The following SAG variants were observed in gnomAD, a reference collection of about 807,000 sequenced individuals.
The protein encoded by SAG is S-antigen visual arrestin, also known as S-arrestin.
A neutral mutation model predicts 55.0 loss-of-function variants in SAG; 45 were observed. The ratio of observed to expected loss-of-function variants is 0.82; its 90% confidence interval spans 0.64 to 1.05. The LOEUF is 1.05. Ranked by LOEUF, SAG falls within the 50% of genes least tolerant of loss-of-function variation. The pLI, the probability that SAG is intolerant of heterozygous loss-of-function variation, is 0.00. For synonymous variants in SAG, 189 were observed against 197.4 expected (o/e 0.96, Z 0.36); for missense variants, 455 against 512.1 (o/e 0.89, Z 1.08).
chr2:233,310,391 T>C (rs57203847), intron 2 of SAG, among the ~76,000 whole-genome samples: 2,492 of 152,260 alleles, frequency 0.016, 75 homozygotes, highest in African/African-American at 0.055. Flanking sequence ...TGAAATCTGA[T>C]GTGTATTTTA....
chr2:233,322,976 T>C lies in SAG; in HGVS notation c.406T>C (p.Leu136=), dbSNP rs1278929212. Residue 136 remains leucine, a synonymous_variant, in exon 6 of 16, where the codon TTG becomes CTG. Coordinates refer to ENST00000409110, the MANE Select transcript of SAG (RefSeq NM_000541.5). ...TGACTACTTGCCCTGTTCAGTGATGTTGCAGCCAGCTCCACAAGATTCAGG... is the reference window on the plus strand; with the variant it reads ...TGACTACTTGCCCTGTTCAGTGATGCTGCAGCCAGCTCCACAAGATTCAGG... ...FPDYLPCSVM[L]QPAPQDSGKS... is the part of the protein sequence containing the mutation. The C allele has an allele frequency of 1.3e-6, 2 of 1,578,630 alleles. No individual in the cohort carries two copies. The highest frequency in any genetic ancestry group is 1.7e-6 in the Non-Finnish European group (2 of 1,159,526).
intron 2 of SAG, among the ~76,000 whole-genome samples, chr2:233,309,657 A>G (rs1034122295): frequency 2.0e-5 from 3 of 150,890 alleles, no homozygotes; most frequent in African/African-American, 7.3e-5. Flanking sequence ...ATAAAAAACA[A>G]ACAAACACTG....
chr2:233,335,574 T>C (rs1355915375), intron 11 of SAG, among the ~76,000 whole-genome samples: 2 of 126,340 alleles, frequency 1.6e-5, no homozygotes, highest in South Asian at 2.8e-4. Flanking sequence ...CTCTTGGCTG[T>C]GTTCATTCAT....
intron 14 of SAG, 83 bp downstream of exon 14, chr2:233,342,409 C>A: frequency 8.6e-7 from 1 of 1,156,342 alleles, no homozygotes; most frequent in South Asian, 1.3e-5. Flanking sequence ...CTTTCTTGAC[C>A]GCATCTCAGA....
At chr2:233,315,899 G>A (rs1015826105) in intron 2 of SAG, among the ~76,000 whole-genome samples, 176 bp from the exon 3 acceptor site, 4 of 151,414 alleles carry the variant, frequency 2.6e-5, no homozygotes, top group Non-Finnish European at 5.9e-5. Context: ...TAGAGACAGG[G>A]TTTCACCATA....
intron 5 of SAG, among the ~76,000 whole-genome samples, chr2:233,322,038 T>C (rs868768907): frequency 4.4e-4 from 56 of 126,170 alleles, no homozygotes; most frequent in Admixed American, 8.6e-4. Context: ...CACACACACA[T>C]TAGTCAGGCG....
chr2:233,329,643 G>A, intron 9 of SAG, 66 bp downstream of exon 9: 1 of 1,122,970 alleles, frequency 8.9e-7, no homozygotes, highest in Non-Finnish European at 1.3e-6. Context: ...TTTCCTGAGA[G>A]GTCACTTCTC....
intron 5 of SAG, among the ~76,000 whole-genome samples, chr2:233,321,709 A>G (rs780164961): frequency 6.6e-6 from 1 of 152,146 alleles, no homozygotes; most frequent in South Asian, 2.1e-4. Flanking sequence ...AATGGTGTGA[A>G]TGTACTTCAT....
At position 233,315,997 on chromosome 2, in the gene SAG, G is replaced by C. The variant is rs181158151; in HGVS notation, c.76-78G>C. 55,037 of 857,278 alleles carry C rather than the reference G, an allele frequency of 0.064. 2,374 individuals are homozygous for C. Among genetic ancestry groups the C allele is most frequent in the Admixed American group, 0.16 (7,621 of 48,066 alleles). The allele number at this position is 857,278 out of a possible 1,614,324, so 53.1% of individuals were successfully genotyped here. On this transcript the variant is annotated intron_variant, in intron 2 of 15. Coordinates refer to ENST00000409110, the MANE Select transcript of SAG (RefSeq NM_000541.5). ...TTACAGGTGTGAGCCACCGCGCCCG[G>C]GCTGCTGCTGGTTTTTATCATGGAT...
intron 6 of SAG, among the ~76,000 whole-genome samples, chr2:233,326,087 C>T (rs1413952340): frequency 2.0e-5 from 3 of 152,046 alleles, no homozygotes; most frequent in Non-Finnish European, 4.4e-5. Flanking sequence ...CGGTGCCCTC[C>T]TCTGGCTCCC....
In SAG at chr2:233,340,891, G is replaced by A. The variant is rs749871716; in HGVS notation, c.1046+413G>A. 6.6e-6 allele frequency among the ~76,000 whole-genome samples: 1 copy of A among 152,090 alleles called. No homozygotes were observed. The highest frequency in any genetic ancestry group is 1.5e-5 in the Non-Finnish European group (1 of 68,006). On this transcript the variant is annotated intron_variant, in intron 13 of 15. Transcript: ENST00000409110. This position sits in a 1 kb window ranked among gnomAD's most constrained non-coding sequence, Gnocchi z 4.2. ...TGCAGTGACGTGATCTCGGCTCACCGTGACCTCCACTTCCTGGGTTCAGGC... is the reference window on the plus strand; with the variant it reads ...TGCAGTGACGTGATCTCGGCTCACCATGACCTCCACTTCCTGGGTTCAGGC...
In SAG at chr2:233,340,617, C is replaced by A; in HGVS notation, c.1046+139C>A. ...GGTGTTAGGAATGATGCTTTGCCTT[C>A]GGATGCATCACAGAACCGTGGCTCA... On this transcript the variant is annotated intron_variant, in intron 13 of 15. Coordinates refer to ENST00000409110, the MANE Select transcript of SAG (RefSeq NM_000541.5). The surrounding 1 kb of genome is among the most constrained non-coding windows in gnomAD (Gnocchi z 4.2). 1.4e-6 allele frequency: 1 copy of A among 693,638 alleles called. No homozygotes were observed. The highest frequency in any genetic ancestry group is 2.6e-6 in the Non-Finnish European group (1 of 390,310). The allele number at this position is 693,638 out of a possible 1,614,324, so 43.0% of individuals were successfully genotyped here.
Position 233,342,292 on chromosome 2 carries a change from A to T in SAG, c.1068A>T (p.Pro356=). The T allele has an allele frequency of 1.2e-6, 2 of 1,608,980 alleles. No homozygotes were observed. Among genetic ancestry groups the T allele is most frequent in the Non-Finnish European group, 1.7e-6 (2 of 1,177,402 alleles). ...LTSSEVATEV[P]FRLMHPQPED... ...CTAGTGAAGTCGCCACTGAGGTCCC[A>T]TTCCGCCTCATGCACCCTCAGCCTG... is the stretch of plus-strand genomic sequence containing the variant. Residue 356 remains proline, a synonymous_variant, in exon 14 of 16, where the codon CCA becomes CCT. Coordinates refer to ENST00000409110, the MANE Select transcript of SAG (RefSeq NM_000541.5).
intron 6 of SAG, among the ~76,000 whole-genome samples, chr2:233,325,354 TAA>T (rs3085260): frequency 2.1e-5 from 3 of 142,978 alleles, no homozygotes; most frequent in Non-Finnish European, 3.0e-5. Context: ...AGACTCCATC[TAA>T]AAAAAAAAAA....
intron 3 of SAG, 111 bp from the exon 4 acceptor site, chr2:233,318,640 A>G (rs919377849): frequency 1.1e-6 from 1 of 936,354 alleles, no homozygotes; most frequent in Non-Finnish European, 1.7e-6. Flanking sequence ...TTTCTTTCTT[A>G]TAATGAACAT....
At chr2:233,330,494 T>TTCCC (rs1476895226) in intron 9 of SAG, among the ~76,000 whole-genome samples, 31 of 140,470 alleles carry the variant, frequency 2.2e-4, no homozygotes, top group Non-Finnish European at 3.6e-4. Context: ...CCTTCCTTCC[T>TTCCC]TCCTTCCTTC....
At chr2:233,323,088 T>A in intron 6 of SAG, 83 bp downstream of exon 6, 4 of 889,708 alleles carry the variant, frequency 4.5e-6, no homozygotes, top group Non-Finnish European at 7.2e-6. Flanking sequence ...AAACAGGGTT[T>A]TACTCTGTCA....
At chr2:233,309,711 G>A (rs1483768021) in intron 2 of SAG, among the ~76,000 whole-genome samples, 1 of 152,186 alleles carries the variant, frequency 6.6e-6, no homozygotes, top group East Asian at 1.9e-4. Flanking sequence ...CTCTGTCTAA[G>A]ATGGATGATC....
chr2:233,342,478 G>T, intron 14 of SAG, 152 bp downstream of exon 14: 1 of 688,256 alleles, frequency 1.5e-6, no homozygotes, highest in South Asian at 1.7e-5. Context: ...ATAGTCTGGG[G>T]GGAAGGGAGG....
Sources: gnomAD v4.1 joint callset for allele counts (sites outside exome capture counted in the v4.1 genomes callset) on GRCh38, gnomAD v4.1.1 for gene constraint, Gnocchi (gnomAD v3.1) non-coding constraint, MANE v1.5 for transcripts, NCBI Gene and HGNC (gene_info 2026-07-23, HGNC 2026-07-21) for gene names.